The following MACROD2 variants were observed in gnomAD, a reference collection of about 807,000 sequenced individuals.
MACROD2 encodes mono-ADP ribosylhydrolase 2.
A neutral mutation model predicts 70.4 loss-of-function variants in MACROD2; 36 were observed. That is an observed-to-expected ratio of 0.51 (90% CI 0.39 to 0.68). MACROD2 has a LOEUF of 0.68. Ranked by LOEUF, MACROD2 falls within the 30% of genes least tolerant of loss-of-function variation. MACROD2 has a pLI of 0.00. For synonymous variants in MACROD2, 172 were observed against 178.8 expected (o/e 0.96, Z 0.30); for missense variants, 496 against 538.4 (o/e 0.92, Z 0.78).
chr20:14,348,638 C>T (rs946235395), intron 3 of MACROD2, among the ~76,000 whole-genome samples: 1 of 151,790 alleles, frequency 6.6e-6, no homozygotes, highest in African/African-American at 2.4e-5. Context: ...GTGGAATGTA[C>T]CCTAATTCTA....
chr20:15,877,657 C>T (rs999210790), intron 9 of MACROD2, among the ~76,000 whole-genome samples: 2 of 152,258 alleles, frequency 1.3e-5, no homozygotes, highest in South Asian at 2.1e-4. Flanking sequence ...ATGAGGATAA[C>T]GACCTCTTCC....
At position 15,662,715 on chromosome 20, in the gene MACROD2, G is replaced by GT. The variant is rs11478090; in HGVS notation, c.645+162880dup. Among the ~76,000 whole-genome samples, 1,087 of 146,814 alleles carry GT rather than the reference G, an allele frequency of 7.4e-3. 7 individuals are homozygous for GT. The highest frequency in any genetic ancestry group is 0.02 in the African/African-American group (802 of 40,142). On this transcript the variant is annotated intron_variant, in intron 8 of 17. Transcript: ENST00000684519. ...TTTGGCTTGTACAAGCTCAGAGAGG[G>GT]TTTTTTTTTTTTCTGTCTGTTGTGG...
intron 5 of MACROD2, among the ~76,000 whole-genome samples, chr20:15,206,993 C>T (rs2076714087): frequency 6.6e-6 from 1 of 151,874 alleles, no homozygotes; most frequent in Non-Finnish European, 1.5e-5. Flanking sequence ...GCCTCGGCCT[C>T]CCAAAGTGCT....
At chr20:14,001,411 T>C (rs1165242166) in intron 1 of MACROD2, among the ~76,000 whole-genome samples, 3 of 152,086 alleles carry the variant, frequency 2.0e-5, no homozygotes, top group East Asian at 1.9e-4. Flanking sequence ...GCAATTCTTA[T>C]ATCATCTACA....
At chr20:15,196,501 C>T (rs1185084953) in intron 5 of MACROD2, among the ~76,000 whole-genome samples, 3 of 152,060 alleles carry the variant, frequency 2.0e-5, no homozygotes, top group Admixed American at 2.0e-4. Flanking sequence ...GACCATAAAC[C>T]ATAATCCTTG....
intron 5 of MACROD2, among the ~76,000 whole-genome samples, chr20:15,101,956 A>G (rs533691422): frequency 1.1e-4 from 16 of 152,126 alleles, no homozygotes; most frequent in African/African-American, 2.9e-4. Flanking sequence ...ATGTCTTCCT[A>G]TAAGTATTAA....
chr20:15,356,080 G>A (rs1419280928), intron 6 of MACROD2, among the ~76,000 whole-genome samples: 1 of 151,650 alleles, frequency 6.6e-6, no homozygotes, highest in Non-Finnish European at 1.5e-5. Context: ...CATCACTCTT[G>A]GTTTTTTTTT....
chr20:15,144,642 C>T (rs1003873768), intron 5 of MACROD2, among the ~76,000 whole-genome samples: 1 of 152,120 alleles, frequency 6.6e-6, no homozygotes, highest in Non-Finnish European at 1.5e-5. Context: ...CAACTTTGCA[C>T]TCTTTGTTAA....
chr20:15,435,895 C>T (rs1231593382), intron 7 of MACROD2, among the ~76,000 whole-genome samples: 2 of 152,116 alleles, frequency 1.3e-5, no homozygotes, highest in Non-Finnish European at 2.9e-5. Flanking sequence ...GGAGGGCTGT[C>T]ACCAGGCAAG....
At chr20:14,765,432 T>C (rs2072074376) in intron 5 of MACROD2, among the ~76,000 whole-genome samples, 1 of 152,110 alleles carries the variant, frequency 6.6e-6, no homozygotes, top group South Asian at 2.1e-4. Flanking sequence ...TTCCTGACTT[T>C]TTGTTGAAAA....
chr20:15,674,834 A>G (rs577360380), intron 8 of MACROD2, among the ~76,000 whole-genome samples: 99 of 152,206 alleles, frequency 6.5e-4, no homozygotes, highest in African/African-American at 2.3e-3. Flanking sequence ...AGATGTATGC[A>G]TTATTTTTCT....
intron 15 of MACROD2, among the ~76,000 whole-genome samples, chr20:16,017,276 A>G (rs1211219323): frequency 1.3e-5 from 2 of 152,098 alleles, no homozygotes; most frequent in Non-Finnish European, 2.9e-5. Flanking sequence ...ACCTCCACAC[A>G]TACTCAAATA....
At chr20:14,297,737 A>G (rs558358241) in intron 3 of MACROD2, among the ~76,000 whole-genome samples, 3 of 152,098 alleles carry the variant, frequency 2.0e-5, no homozygotes, top group Non-Finnish European at 4.4e-5. Context: ...CAAGTTATCA[A>G]GAAGATCTAG....
chr20:14,123,115 T>C (rs906589355), intron 3 of MACROD2, among the ~76,000 whole-genome samples: 16 of 152,196 alleles, frequency 1.1e-4, no homozygotes, highest in African/African-American at 3.9e-4. Flanking sequence ...ACTTGAAGCA[T>C]AGCCATGAGT....
intron 8 of MACROD2, among the ~76,000 whole-genome samples, chr20:15,614,631 C>T (rs966566976): frequency 2.8e-4 from 42 of 151,996 alleles, no homozygotes; most frequent in Non-Finnish European, 2.9e-5. Context: ...ATACCACATG[C>T]CCTGTTACAA....
At chr20:14,408,613 A>G (rs1338339081) in intron 3 of MACROD2, among the ~76,000 whole-genome samples, 1 of 152,178 alleles carries the variant, frequency 6.6e-6, no homozygotes, top group Non-Finnish European at 1.5e-5. Flanking sequence ...CCTGCTTCAG[A>G]GGAGTATAAA....
At chr20:15,974,058 C>A (rs1474965275) in intron 13 of MACROD2, among the ~76,000 whole-genome samples, 1 of 152,094 alleles carries the variant, frequency 6.6e-6, no homozygotes, top group Non-Finnish European at 1.5e-5. Flanking sequence ...GCAGGGTAGT[C>A]CTTGCTATAG....
chr20:14,346,141 C>T (rs2083062413), intron 3 of MACROD2, among the ~76,000 whole-genome samples: 1 of 145,460 alleles, frequency 6.9e-6, no homozygotes, highest in Non-Finnish European at 1.5e-5. Context: ...GAGCAATTCC[C>T]TTGTGAAAAT....
At position 14,326,480 on chromosome 20, in the gene MACROD2, T is replaced by C; in HGVS notation, c.272-166999T>C. The C allele has an allele frequency of 6.2e-7, 1 of 1,613,890 alleles. No individual in the cohort carries two copies. Among genetic ancestry groups the C allele is most frequent in the Non-Finnish European group, 8.5e-7 (1 of 1,179,858 alleles). On this transcript the variant is annotated intron_variant, in intron 3 of 17. Transcript: ENST00000684519. The surrounding 1 kb of genome is among the most constrained non-coding windows in gnomAD (Gnocchi z 5.5). Reference sequence around the variant, plus strand: ...TCTGCATTGAGATCCTTAATAGCCATCCCACGAACCTTTTCTGGGGCTTGG... The same window carrying C: ...TCTGCATTGAGATCCTTAATAGCCACCCCACGAACCTTTTCTGGGGCTTGG...
Sources: allele counts gnomAD v4.1 joint callset (sites outside exome capture counted in the v4.1 genomes callset), GRCh38; gene constraint gnomAD v4.1.1; non-coding constraint Gnocchi (gnomAD v3.1); transcripts MANE v1.5; gene names NCBI Gene and HGNC (gene_info 2026-07-23, HGNC 2026-07-21).